The following PPFIA2 variants were observed in gnomAD, a reference collection of about 807,000 sequenced individuals.
The protein encoded by PPFIA2 is liprin-alpha-2.
PPFIA2 carries 46 observed loss-of-function variants against 175.5 expected under a neutral mutation model. That is an observed-to-expected ratio of 0.26 (90% confidence interval 0.21 to 0.34). The LOEUF (loss-of-function observed/expected upper bound fraction) is 0.34. PPFIA2 is among the 10% of genes least tolerant of loss of function. The pLI, the probability that PPFIA2 is intolerant of heterozygous loss-of-function variation, is 1.00. For synonymous variants in PPFIA2, 568 were observed against 511.4 expected (o/e 1.11, Z -1.49); for missense variants, 1,179 against 1,506.1 (o/e 0.78, Z 3.60).
intron 4 of PPFIA2, among the ~76,000 whole-genome samples, chr12:81,521,320 C>T (rs1212505279): frequency 6.6e-6 from 1 of 151,964 alleles, no homozygotes; most frequent in East Asian, 1.9e-4. Flanking sequence ...TAGTAACTGT[C>T]GTGAGTGATA....
chr12:81,753,897 T>C lies in PPFIA2; in HGVS notation c.249+76A>G, dbSNP rs905254582. 4.6e-6 allele frequency: 7 copies of C among 1,528,832 alleles called. No homozygotes were observed. In the African/African-American group the frequency reaches 5.5e-5, roughly 12 times the overall value. 94.7% of individuals were successfully genotyped at this position (1,528,832 alleles called of 1,614,324 possible). ...ACATATGTTAAGTGGAAAAGTAACA[T>C]TAAGAATGGGAGTAAAGTGAATCTT... On this transcript the variant is annotated intron_variant, in intron 3 of 32. Transcript: ENST00000549396.
chr12:81,365,359 C>A (rs541762197), intron 14 of PPFIA2, among the ~76,000 whole-genome samples: 1 of 151,846 alleles, frequency 6.6e-6, no homozygotes, highest in South Asian at 2.1e-4. Context: ...GAGATATGAT[C>A]TGGGATTTAC....
intron 8 of PPFIA2, among the ~76,000 whole-genome samples, chr12:81,403,236 G>T (rs1446042013): frequency 6.6e-6 from 1 of 152,100 alleles, no homozygotes; most frequent in Admixed American, 6.5e-5. Flanking sequence ...CCTTCACTAA[G>T]AACTGGAAGT....
At chr12:81,524,760 A>G (rs111482951) in intron 4 of PPFIA2, among the ~76,000 whole-genome samples, 4 of 152,272 alleles carry the variant, frequency 2.6e-5, no homozygotes, top group African/African-American at 9.6e-5. Flanking sequence ...TTTTTGGGGG[A>G]TGGGGCAGAA....
chr12:81,277,338 C>T lies in PPFIA2; in HGVS notation c.3289G>A (p.Ala1097Thr), dbSNP rs748566393. 2.5e-5 allele frequency: 39 copies of T among 1,568,586 alleles called. No homozygotes were observed. The Middle Eastern group carries it at 7.4e-4, about 30-fold the overall frequency. Residue 1097 changes from alanine (A) to threonine (T), a missense_variant, in exon 28 of 33, where the codon GCA becomes ACA. Ala to Thr is a moderately conservative substitution (Grantham distance 58). This residue lies in a region of PPFIA2 where 245 missense variants were observed against 375.1 expected (regional missense o/e 0.65). Transcript: ENST00000549396. ...TTACCTTTTATTTCATGTTGGCTTG[C>T]TTCCCGTCTTCTTTCTAGTTCTTTT... The part of the protein sequence containing the change: ...DRKELERRRE[A>T]SQHEIKDVLV...
chr12:81,398,181 T>C (rs1330627629), intron 8 of PPFIA2, among the ~76,000 whole-genome samples: 1 of 152,058 alleles, frequency 6.6e-6, no homozygotes, highest in African/African-American at 2.4e-5. Flanking sequence ...GCCAAAAACT[T>C]TGGGGACCAT....
At chr12:81,694,665 C>G (rs1488035981) in intron 3 of PPFIA2, among the ~76,000 whole-genome samples, 1 of 152,156 alleles carries the variant, frequency 6.6e-6, no homozygotes, top group Non-Finnish European at 1.5e-5. Context: ...TTGGAGCCCC[C>G]ACACAGGTTC....
At chr12:81,414,527 C>G (rs1477979257) in intron 7 of PPFIA2, among the ~76,000 whole-genome samples, 1 of 151,632 alleles carries the variant, frequency 6.6e-6, no homozygotes, top group Admixed American at 6.6e-5. Context: ...GATTTTCATT[C>G]TCATGTTTTT....
At chr12:81,582,326 T>C (rs1363047061) in intron 4 of PPFIA2, among the ~76,000 whole-genome samples, 1 of 151,926 alleles carries the variant, frequency 6.6e-6, no homozygotes, top group African/African-American at 2.4e-5. Flanking sequence ...ATTTTCTTCA[T>C]CCTTTCTTCT....
chr12:81,323,017 G>T (rs2054009402), intron 22 of PPFIA2, among the ~76,000 whole-genome samples: 1 of 152,028 alleles, frequency 6.6e-6, no homozygotes, highest in South Asian at 2.1e-4. Context: ...TTAAACCTTT[G>T]TTTAGGACTG....
chr12:81,500,106 T>C (rs568569289), intron 4 of PPFIA2, among the ~76,000 whole-genome samples: 3 of 152,204 alleles, frequency 2.0e-5, no homozygotes, highest in Non-Finnish European at 4.4e-5. Context: ...CGGCCTCATG[T>C]TTTCCCGGCA....
chr12:81,579,636 T>C (rs145429967), intron 4 of PPFIA2, among the ~76,000 whole-genome samples: 544 of 151,950 alleles, frequency 3.6e-3, no homozygotes, highest in African/African-American at 0.013. Context: ...ACAAATTGGC[T>C]TACGAAGGAA....
At chr12:81,457,046 C>T (rs1271696272) in intron 5 of PPFIA2, among the ~76,000 whole-genome samples, 1 of 151,192 alleles carries the variant, frequency 6.6e-6, no homozygotes, top group Non-Finnish European at 1.5e-5. Context: ...CACTCTGTTG[C>T]CCAGGCTGGA....
rs923323154 is a variant in PPFIA2, at chr12:81,262,002, C to G, written c.3754G>C (p.Val1252Leu). 1.9e-6 allele frequency: 3 copies of G among 1,605,774 alleles called. No individual in the cohort carries two copies. In the African/African-American group the frequency reaches 4.0e-5, roughly 22 times the overall value. The stretch of plus-strand genomic sequence containing the variant: ...GCTGGTCAACATGAGTATGTGCGAA[C>G]AGTGGAGTTGTCTAACCTCTGCAGT... ...SRLQRLDNSTVRTYSC is the reference protein window; with the variant it reads ...SRLQRLDNSTLRTYSC The change falls in exon 32 of 33, where the codon GTT becomes CTT. Residue 1252 changes from valine (V) to leucine (L), a missense_variant. Val to Leu is a conservative substitution (Grantham distance 32). Transcript: ENST00000549396.
chr12:81,427,715 T>C (rs556860238), intron 7 of PPFIA2, among the ~76,000 whole-genome samples: 10 of 152,190 alleles, frequency 6.6e-5, no homozygotes, highest in African/African-American at 2.4e-4. Context: ...TTTCATTTGC[T>C]CAACTAATAA....
intron 8 of PPFIA2, among the ~76,000 whole-genome samples, chr12:81,405,239 T>C (rs1266213314): frequency 6.6e-6 from 1 of 152,164 alleles, no homozygotes; most frequent in Non-Finnish European, 1.5e-5. Flanking sequence ...CATTTCATTT[T>C]ATGTTATCTC....
intron 5 of PPFIA2, among the ~76,000 whole-genome samples, chr12:81,452,870 T>C (rs2052866041): frequency 6.6e-6 from 1 of 152,218 alleles, no homozygotes; most frequent in Non-Finnish European, 1.5e-5. Flanking sequence ...ATGTCTTCTT[T>C]TTAAGTTTAT....
chr12:81,512,760 T>C (rs1300644026), intron 4 of PPFIA2, among the ~76,000 whole-genome samples: 1 of 152,084 alleles, frequency 6.6e-6, no homozygotes, highest in Non-Finnish European at 1.5e-5. Context: ...ATAGCTTAGC[T>C]TCCACTTATA....
intron 4 of PPFIA2, among the ~76,000 whole-genome samples, chr12:81,587,427 G>A (rs180976611): frequency 0.014 from 2,105 of 152,072 alleles, 32 homozygotes; most frequent in Non-Finnish European, 0.018. Flanking sequence ...CTCTACCCAT[G>A]TGAAACTGTG....
Sources: gnomAD v4.1 joint callset for allele counts (sites outside exome capture counted in the v4.1 genomes callset) on GRCh38, gnomAD v4.1.1 for gene constraint, gnomAD v4.1.1 regional missense constraint, MANE v1.5 for transcripts, NCBI Gene and HGNC (gene_info 2026-07-23, HGNC 2026-07-21) for gene names.